ADGRB3: variants seen among roughly 807,000 people sequenced by gnomAD.
The protein encoded by ADGRB3 is adhesion G protein-coupled receptor B3, also known as brain-specific angiogenesis inhibitor 3.
A neutral mutation model predicts 193.4 loss-of-function variants in ADGRB3; 37 were observed. The observed-to-expected ratio is 0.19, with a 90% CI of 0.15 to 0.25. The LOEUF (loss-of-function observed/expected upper bound fraction) is 0.25, where lower values mean the gene tolerates loss of function less well. ADGRB3 is among the 10% of genes least tolerant of loss of function. The probability of loss-of-function intolerance (pLI) is 1.00; values close to 1 mark genes in which losing one functional copy is unlikely to be tolerated. For missense variants in ADGRB3, 1,637 were observed against 1,852.9 expected, an observed-to-expected ratio of 0.88 and a Z score of 2.14; for synonymous variants, 690 against 644.2, an observed-to-expected ratio of 1.07 and a Z score of -1.08.
chr6:69,233,143 C>G (rs747047746), intron 17 of ADGRB3, 147 bp from the exon 18 acceptor site: 3 of 1,155,188 alleles, frequency 2.6e-6, no homozygotes, highest in Non-Finnish European at 3.7e-6. Context: ...ATCTAAATTA[C>G]ATCCTGTTCA....
chr6:69,162,965 G>A (rs1775038088), intron 17 of ADGRB3, among the ~76,000 whole-genome samples: 1 of 151,994 alleles, frequency 6.6e-6, no homozygotes, highest in Non-Finnish European at 1.5e-5. Context: ...TCAACAGCAG[G>A]TTTCATATTC....
intron 3 of ADGRB3, among the ~76,000 whole-genome samples, chr6:68,862,417 C>T (rs1002796781): frequency 1.3e-5 from 2 of 152,146 alleles, no homozygotes; most frequent in Non-Finnish European, 2.9e-5. Flanking sequence ...TTTCATTACA[C>T]AAGCAATAAC....
intron 14 of ADGRB3, among the ~76,000 whole-genome samples, chr6:69,048,714 T>C (rs1771307577): frequency 6.6e-6 from 1 of 152,156 alleles, no homozygotes; most frequent in Non-Finnish European, 1.5e-5. Flanking sequence ...TTTGCTTCGG[T>C]TTGAAGATAT....
At chr6:68,777,613 A>T (rs73745863) in intron 3 of ADGRB3, among the ~76,000 whole-genome samples, 3,970 of 150,148 alleles carry the variant, frequency 0.026, 80 homozygotes, top group African/African-American at 0.052. Context: ...TACTAAAAAA[A>T]ATTGCTAATG....
At chr6:68,814,407 T>C (rs1188786346) in intron 3 of ADGRB3, among the ~76,000 whole-genome samples, 6 of 152,232 alleles carry the variant, frequency 3.9e-5, no homozygotes, top group Admixed American at 3.9e-4. Flanking sequence ...TGGTGTTGTT[T>C]GTTTTTTTCT....
intron 29 of ADGRB3, among the ~76,000 whole-genome samples, chr6:69,366,004 G>A (rs770114143): frequency 3.9e-5 from 6 of 152,060 alleles, no homozygotes; most frequent in East Asian, 1.9e-4. Flanking sequence ...GAGTTAAATC[G>A]ATATTCACAA....
intron 17 of ADGRB3, among the ~76,000 whole-genome samples, chr6:69,221,262 T>C (rs1007771384): frequency 1.3e-5 from 2 of 152,186 alleles, no homozygotes; most frequent in African/African-American, 4.8e-5. Flanking sequence ...TTCAGATCTT[T>C]TATTGGAATT....
chr6:69,188,598 T>G (rs1291662224), intron 17 of ADGRB3, among the ~76,000 whole-genome samples: 1 of 152,192 alleles, frequency 6.6e-6, no homozygotes, highest in East Asian at 1.9e-4. Context: ...CGTGAGCCAC[T>G]GCGCCCGGCC....
At chr6:69,150,695 C>G (rs1179744796) in intron 17 of ADGRB3, among the ~76,000 whole-genome samples, 1 of 152,142 alleles carries the variant, frequency 6.6e-6, no homozygotes, top group Admixed American at 6.5e-5. Flanking sequence ...TCCTTGTACC[C>G]ACTATAGCTG....
intron 6 of ADGRB3, among the ~76,000 whole-genome samples, chr6:68,949,061 T>C (rs984194523): frequency 1.3e-5 from 2 of 152,104 alleles, no homozygotes; most frequent in East Asian, 3.8e-4. Context: ...AGAAATACTT[T>C]GAATAGTAAA....
chr6:68,694,858 C>A (rs190008419), intron 3 of ADGRB3, among the ~76,000 whole-genome samples: 1 of 152,060 alleles, frequency 6.6e-6, no homozygotes, highest in Non-Finnish European at 1.5e-5. Context: ...ACCATTCTCC[C>A]AAGCATTGTG....
intron 3 of ADGRB3, among the ~76,000 whole-genome samples, chr6:68,661,518 T>TAC (rs1312668091): frequency 1.8e-5 from 1 of 56,982 alleles, no homozygotes; most frequent in Non-Finnish European, 3.1e-5. Flanking sequence ...TATGTGTGTA[T>TAC]ACATATATAT....
In ADGRB3 at chr6:68,763,962, A is replaced by G. The variant is rs1202803752; in HGVS notation, c.757+124530A>G. The stretch of plus-strand genomic sequence containing the variant: ...TTGGAGTGTGTCTGTAGTCCCAGCT[A>G]CTCAGGAGGCTGAGACAGGAGGATC... On this transcript the variant is annotated intron_variant, in intron 3 of 31. Coordinates refer to ENST00000370598, the MANE Select transcript of ADGRB3 (RefSeq NM_001704.3). Among the ~76,000 whole-genome samples the G allele has an allele frequency of 4.6e-5, 7 of 152,048 alleles. No individual in the cohort carries two copies. The East Asian group carries it at 1.4e-3, about 29-fold the overall frequency.
intron 3 of ADGRB3, among the ~76,000 whole-genome samples, chr6:68,705,765 A>G (rs1006438920): frequency 6.6e-6 from 1 of 152,234 alleles, no homozygotes; most frequent in Admixed American, 6.5e-5. Flanking sequence ...AGCTACTGCA[A>G]TAGTGGAAAA....
At chr6:69,225,044 G>A (rs1287579237) in intron 17 of ADGRB3, among the ~76,000 whole-genome samples, 1 of 151,998 alleles carries the variant, frequency 6.6e-6, no homozygotes, top group Admixed American at 6.6e-5. Flanking sequence ...GGACTGTTTT[G>A]ATCTGCATTG....
chr6:69,385,522 T>G (rs1339933917), intron 31 of ADGRB3, among the ~76,000 whole-genome samples: 2 of 152,084 alleles, frequency 1.3e-5, no homozygotes, highest in Non-Finnish European at 1.5e-5. Flanking sequence ...TGATGCAGCT[T>G]AAGACCAAAT....
chr6:68,765,597 A>C (rs1766494746), intron 3 of ADGRB3, among the ~76,000 whole-genome samples: 1 of 150,818 alleles, frequency 6.6e-6, no homozygotes, highest in South Asian at 2.1e-4. Flanking sequence ...AGGGTTAATT[A>C]TGCTTCTTAG....
At position 68,772,928 on chromosome 6, in the gene ADGRB3, T is replaced by C. The variant is rs1231258492; in HGVS notation, c.757+133496T>C. 1.1e-4 allele frequency among the ~76,000 whole-genome samples: 5 copies of C among 45,650 alleles called. No homozygotes were observed. In the East Asian group the frequency reaches 2.5e-3, roughly 23 times the overall value. 29.9% of individuals were successfully genotyped at this position (45,650 alleles called of 152,430 possible). ...ATATATATATATATATATATATATA[T>C]ATATACATACACACACAAAAATAAA... On this transcript the variant is annotated intron_variant, in intron 3 of 31. Coordinates refer to ENST00000370598, the MANE Select transcript of ADGRB3 (RefSeq NM_001704.3).
At chr6:68,976,951 TA>T (rs751054142) in intron 10 of ADGRB3, among the ~76,000 whole-genome samples, 179 of 148,688 alleles carry the variant, frequency 1.2e-3, no homozygotes, top group African/African-American at 4.4e-3. Flanking sequence ...GAAAAATATA[TA>T]TTTTTTTATA....
Sources: gnomAD v4.1 joint callset for allele counts (sites outside exome capture counted in the v4.1 genomes callset) on GRCh38, gnomAD v4.1.1 for gene constraint, MANE v1.5 for transcripts, NCBI Gene and HGNC (gene_info 2026-07-23, HGNC 2026-07-21) for gene names.